The following PDE10A variants were observed in gnomAD, a reference collection of about 807,000 sequenced individuals.
PDE10A encodes the protein cAMP and cAMP-inhibited cGMP 3',5'-cyclic phosphodiesterase 10A.
A neutral mutation model predicts 97.7 loss-of-function variants in PDE10A; 39 were observed. That is an observed-to-expected ratio of 0.40 (90% CI 0.31 to 0.52). PDE10A has a LOEUF of 0.52. PDE10A is among the 20% of genes least tolerant of loss of function. The pLI is 0.56. For missense variants in PDE10A, 731 were observed against 1,047.8 expected, an observed-to-expected ratio of 0.70 and a Z score of 4.17; for synonymous variants, 371 against 376.8, an observed-to-expected ratio of 0.98 and a Z score of 0.18.
chr6:165,915,147 C>A (rs976800445), intron 1 of PDE10A, among the ~76,000 whole-genome samples: 5 of 152,094 alleles, frequency 3.3e-5, no homozygotes, highest in Admixed American at 2.6e-4. Context: ...AATTTTCTTT[C>A]ATGAATGGAA....
chr6:165,395,762 T>G (rs1019765509), intron 14 of PDE10A, among the ~76,000 whole-genome samples: 2 of 152,178 alleles, frequency 1.3e-5, no homozygotes, highest in Admixed American at 1.3e-4. Flanking sequence ...ATATATACTA[T>G]AATTTCAATT....
chr6:165,474,307 A>C lies in PDE10A; in HGVS notation c.1023+8008T>G, dbSNP rs546401771. On this transcript the variant is annotated intron_variant, in intron 3 of 21. Coordinates refer to ENST00000539869, the MANE Select transcript of PDE10A (RefSeq NM_001385079.1). The stretch of plus-strand genomic sequence containing the variant: ...ATAAAATATTTTAAGCAAAACAAAC[A>C]AAAAAACCAAAGTTAAATTGCAAAG... Among the ~76,000 whole-genome samples the C allele has an allele frequency of 2.0e-5, 3 of 152,290 alleles. No individual in the cohort carries two copies. In the South Asian group the frequency reaches 6.2e-4, roughly 32 times the overall value.
At chr6:165,438,876 T>TG (rs1790234711) in intron 5 of PDE10A, among the ~76,000 whole-genome samples, 2 of 151,616 alleles carry the variant, frequency 1.3e-5, no homozygotes, top group African/African-American at 4.9e-5. Flanking sequence ...GAGGATCACT[T>TG]GAAGCCAGGA....
At chr6:165,360,015 C>T (rs564158979) in intron 18 of PDE10A, among the ~76,000 whole-genome samples, 1 of 152,284 alleles carries the variant, frequency 6.6e-6, no homozygotes, top group Non-Finnish European at 1.5e-5. Flanking sequence ...TGGATCTCCC[C>T]AATCCTGTGG....
At chr6:165,664,570 C>T (rs1790448229), upstream of PDE10A, among the ~76,000 whole-genome samples, 1 of 152,156 alleles carries the variant, frequency 6.6e-6, no homozygotes, top group South Asian at 2.1e-4. Context: ...TCCTGTGACT[C>T]TTACCTTAGG....
At chr6:165,732,494 G>A (rs2128451351) in intron 1 of PDE10A, among the ~76,000 whole-genome samples, 1 of 152,312 alleles carries the variant, frequency 6.6e-6, no homozygotes, top group African/African-American at 2.4e-5. Flanking sequence ...TCGCAGGTGG[G>A]CGACTCCACT....
intron 1 of PDE10A, among the ~76,000 whole-genome samples, chr6:165,570,188 T>G (rs9356375): frequency 0.075 from 11,342 of 152,190 alleles, 866 homozygotes; most frequent in East Asian, 0.33. Flanking sequence ...AGCAAACTAA[T>G]GCTCTCCTTT....
rs192986678 is a variant in PDE10A at position 165,493,971 on chromosome 6, G to T, written c.995-11628C>A. Among the ~76,000 whole-genome samples, 781 of 138,378 alleles carry T rather than the reference G, an allele frequency of 5.6e-3. 4 individuals are homozygous for T. The highest frequency in any genetic ancestry group is 5.6e-3 in the Non-Finnish European group (350 of 62,976). The allele number at this position is 138,378 out of a possible 152,430, so 90.8% of individuals were successfully genotyped here. On this transcript the variant is annotated intron_variant, in intron 2 of 21. Transcript: ENST00000539869. Reference sequence around the variant, plus strand: ...ATCTACAGGGAACTCAAATAAGCAAGAAAAAAAAAAACAATCCCATCAGTA... The same window carrying T: ...ATCTACAGGGAACTCAAATAAGCAATAAAAAAAAAAACAATCCCATCAGTA...
chr6:165,883,192 T>C (rs973029626), intron 1 of PDE10A, among the ~76,000 whole-genome samples: 7 of 152,068 alleles, frequency 4.6e-5, no homozygotes, highest in Admixed American at 2.0e-4. Flanking sequence ...GCCAAGATCG[T>C]GCCACTGCAC....
intron 13 of PDE10A, among the ~76,000 whole-genome samples, chr6:165,397,702 CAAA>C (rs71026686): frequency 1.1e-5 from 1 of 88,386 alleles, no homozygotes; most frequent in Non-Finnish European, 2.2e-5. Context: ...AACTCCATCT[CAAA>C]AAAAAAAAAA....
At chr6:165,846,362 T>A (rs1754661282) in intron 1 of PDE10A, among the ~76,000 whole-genome samples, 1 of 152,092 alleles carries the variant, frequency 6.6e-6, no homozygotes, top group African/African-American at 2.4e-5. Context: ...TTACGGTGAG[T>A]AAATAAAGTT....
intron 1 of PDE10A, among the ~76,000 whole-genome samples, chr6:165,586,580 T>C (rs898792504): frequency 5.9e-5 from 9 of 152,160 alleles, no homozygotes; most frequent in African/African-American, 2.2e-4. Context: ...TTAAAAATGT[T>C]AATAATATCC....
At chr6:165,438,056 A>C (rs1790152380) in intron 5 of PDE10A, among the ~76,000 whole-genome samples, 1 of 152,210 alleles carries the variant, frequency 6.6e-6, no homozygotes, top group African/African-American at 2.4e-5. Context: ...GGGAAACGTT[A>C]ATTTACATTC....
At chr6:165,540,944 T>C (rs891409945) in intron 2 of PDE10A, among the ~76,000 whole-genome samples, 2 of 152,002 alleles carry the variant, frequency 1.3e-5, no homozygotes, top group African/African-American at 4.8e-5. Context: ...GGACATTTTC[T>C]AAAGTAACAG....
At chr6:165,350,332 A>G (rs1782612213) in intron 18 of PDE10A, among the ~76,000 whole-genome samples, 1 of 152,142 alleles carries the variant, frequency 6.6e-6, no homozygotes, top group Admixed American at 6.5e-5. Flanking sequence ...TGGCTGTCCT[A>G]CTGGATTTTG....
intron 1 of PDE10A, among the ~76,000 whole-genome samples, chr6:165,613,912 A>C (rs1787609200): frequency 6.6e-6 from 1 of 151,934 alleles, no homozygotes; most frequent in African/African-American, 2.4e-5. Context: ...CCCTCCCGAA[A>C]CCAGCCCTTC....
intron 2 of PDE10A, among the ~76,000 whole-genome samples, chr6:165,494,847 C>T (rs1053593190): frequency 6.6e-6 from 1 of 152,172 alleles, no homozygotes; most frequent in African/African-American, 2.4e-5. Context: ...CTATGGAGAA[C>T]TTTGTGACTG....
intron 18 of PDE10A, among the ~76,000 whole-genome samples, chr6:165,350,166 A>G (rs1782602033): frequency 6.6e-6 from 1 of 152,180 alleles, no homozygotes; most frequent in African/African-American, 2.4e-5. Flanking sequence ...CAGACACTCA[A>G]TGCCAGCCCA....
intron 1 of PDE10A, among the ~76,000 whole-genome samples, chr6:165,976,912 T>G (rs1784866063): frequency 6.6e-6 from 1 of 152,190 alleles, no homozygotes; most frequent in South Asian, 2.1e-4. Flanking sequence ...AATCAAACCC[T>G]GTGCACCGGA....
Sources: allele counts gnomAD v4.1 joint callset (sites outside exome capture counted in the v4.1 genomes callset), GRCh38; gene constraint gnomAD v4.1.1; transcripts MANE v1.5; gene names NCBI Gene and HGNC (gene_info 2026-07-23, HGNC 2026-07-21).